The following NEMP2 variants were observed in gnomAD, a reference collection of about 807,000 sequenced individuals.
The protein encoded by NEMP2 is nuclear envelope integral membrane protein 2, also known as UPF0571 transmembrane protein.
NEMP2 carries 53 observed loss-of-function variants against 54.2 expected under a neutral mutation model. That is an observed-to-expected ratio of 0.98 (90% CI 0.78 to 1.23). The LOEUF (loss-of-function observed/expected upper bound fraction) is 1.23. Ranked by LOEUF, NEMP2 falls within the 50% of genes most tolerant of loss-of-function variation. NEMP2 has a pLI of 0.00. For synonymous variants in NEMP2, 197 were observed against 190.3 expected, an observed-to-expected ratio of 1.04 and a Z score of -0.29; for missense variants, 455 against 511.3, an observed-to-expected ratio of 0.89 and a Z score of 1.06.
chr2:190,469,778 C>T, the NEMP2 span: 1 of 1,597,196 alleles, frequency 6.3e-7, no homozygotes, highest in Non-Finnish European at 8.5e-7. The surrounding 1 kb of genome is among the most constrained non-coding windows in gnomAD (Gnocchi z 5.3). Flanking sequence ...ATTGGCCTGG[C>T]CTGCAATACG....
chr2:190,429,257 T>G, the NEMP2 span, among the ~76,000 whole-genome samples: 1 of 151,998 alleles, frequency 6.6e-6, no homozygotes, highest in African/African-American at 2.4e-5. Flanking sequence ...TGTATACATA[T>G]ATCACCAAAA....
intron 4 of NEMP2, 49 bp from the exon 5 acceptor site, chr2:190,517,662 G>T: frequency 1.5e-6 from 2 of 1,358,886 alleles, no homozygotes; most frequent in South Asian, 1.3e-5. Flanking sequence ...AAAGCACTTT[G>T]AGTATGAAAA....
chr2:190,590,654 G>A, the NEMP2 span, among the ~76,000 whole-genome samples: 1 of 152,180 alleles, frequency 6.6e-6, no homozygotes, highest in Non-Finnish European at 1.5e-5. The surrounding 1 kb of genome is among the most constrained non-coding windows in gnomAD (Gnocchi z 5.1). Flanking sequence ...GCAAAGAGGT[G>A]AGAGTTATAT....
At chr2:190,430,389 T>G in the NEMP2 span, among the ~76,000 whole-genome samples, 2 of 151,100 alleles carry the variant, frequency 1.3e-5, no homozygotes, top group East Asian at 3.9e-4. Context: ...TACTTGAGAT[T>G]AGGGAGTGGT....
chr2:190,515,653 C>A (rs1352861618), intron 6 of NEMP2, among the ~76,000 whole-genome samples: 1 of 152,104 alleles, frequency 6.6e-6, no homozygotes, highest in East Asian at 1.9e-4. Flanking sequence ...ATACAATTTT[C>A]AAGTAAAACA....
chr2:190,461,894 C>T, the NEMP2 span, among the ~76,000 whole-genome samples: 1 of 152,064 alleles, frequency 6.6e-6, no homozygotes, highest in Non-Finnish European at 1.5e-5. The surrounding 1 kb of genome is among the most constrained non-coding windows in gnomAD (Gnocchi z 5.5). Context: ...TCAGAACAAT[C>T]TGAGAGCAGA....
the NEMP2 span, among the ~76,000 whole-genome samples, chr2:190,488,059 C>T: frequency 2.6e-5 from 4 of 152,258 alleles, no homozygotes; most frequent in South Asian, 2.1e-4. The surrounding 1 kb of genome is among the most constrained non-coding windows in gnomAD (Gnocchi z 6.4). Flanking sequence ...TGCACCACCA[C>T]GCCAGGCTAA....
the NEMP2 span, among the ~76,000 whole-genome samples, chr2:190,597,524 TGAG>T: frequency 6.6e-6 from 1 of 152,096 alleles, no homozygotes; most frequent in Non-Finnish European, 1.5e-5. The surrounding 1 kb of genome is among the most constrained non-coding windows in gnomAD (Gnocchi z 4.7). Context: ...GCCTGGAGAA[TGAG>T]AAGACAAAAA....
At chr2:190,606,494 C>A in the NEMP2 span, among the ~76,000 whole-genome samples, 1 of 152,212 alleles carries the variant, frequency 6.6e-6, no homozygotes, top group African/African-American at 2.4e-5. Flanking sequence ...GGCAGATCAC[C>A]TGAGGTCAGG....
chr2:190,558,749 C>T, the NEMP2 span, among the ~76,000 whole-genome samples: 8 of 152,034 alleles, frequency 5.3e-5, no homozygotes, highest in South Asian at 6.3e-4. The surrounding 1 kb of genome is among the most constrained non-coding windows in gnomAD (Gnocchi z 4.4). Flanking sequence ...AAAGAGGAGC[C>T]GATGAAGTAT....
chr2:190,457,677 A>T, the NEMP2 span, among the ~76,000 whole-genome samples: 3 of 152,184 alleles, frequency 2.0e-5, no homozygotes, highest in Non-Finnish European at 4.4e-5. This position sits in a 1 kb window ranked among gnomAD's most constrained non-coding sequence, Gnocchi z 5.1. Context: ...TTTGCATTTA[A>T]TTTAATGGTA....
chr2:190,458,595 C>G, the NEMP2 span, among the ~76,000 whole-genome samples: 1 of 152,172 alleles, frequency 6.6e-6, no homozygotes, highest in Admixed American at 6.5e-5. The surrounding 1 kb of genome is among the most constrained non-coding windows in gnomAD (Gnocchi z 5.3). Context: ...TTTAGATTCC[C>G]TTCCCCCCGA....
the NEMP2 span, among the ~76,000 whole-genome samples, chr2:190,602,991 T>G: frequency 1.3e-5 from 2 of 152,314 alleles, no homozygotes; most frequent in East Asian, 3.9e-4. Context: ...AGACCATATG[T>G]AACTGATGGG....
the NEMP2 span, chr2:190,489,881 T>C: frequency 6.2e-7 from 1 of 1,608,594 alleles, no homozygotes; most frequent in South Asian, 1.1e-5. This position sits in a 1 kb window ranked among gnomAD's most constrained non-coding sequence, Gnocchi z 6.6. Context: ...TTATTTCCAT[T>C]CTTTCTTAAT....
Position 190,520,564 on chromosome 2 carries a change from C to T in NEMP2, c.214-1381G>A, listed in dbSNP as rs1690720312. Among the ~76,000 whole-genome samples the T allele has an allele frequency of 6.6e-6, 1 of 152,202 alleles. No homozygotes were observed. Among genetic ancestry groups the T allele is most frequent in the South Asian group, 2.1e-4 (1 of 4,830 alleles). On this transcript the variant is annotated intron_variant, in intron 2 of 8. Transcript: ENST00000409150. The surrounding 1 kb of genome is among the most constrained non-coding windows in gnomAD (Gnocchi z 5.4). The stretch of plus-strand genomic sequence containing the variant: ...ATTTCTCTTTGACTTTGGCTTCTGG[C>T]TCACTGTGGCTCTCTCTTCAATACC...
At chr2:190,633,725 G>A in the NEMP2 span, among the ~76,000 whole-genome samples, 1 of 152,180 alleles carries the variant, frequency 6.6e-6, no homozygotes, top group Non-Finnish European at 1.5e-5. Flanking sequence ...GCAATAGAGA[G>A]ATAACATATC....
chr2:190,486,889 T>A, the NEMP2 span, among the ~76,000 whole-genome samples: 1 of 152,214 alleles, frequency 6.6e-6, no homozygotes, highest in Admixed American at 6.5e-5. Context: ...AGTGTCTTAA[T>A]GAAGGTTTTA....
chr2:190,440,549 G>T, the NEMP2 span, among the ~76,000 whole-genome samples: 2 of 152,134 alleles, frequency 1.3e-5, no homozygotes, highest in Admixed American at 6.5e-5. Flanking sequence ...TAACATTTTA[G>T]CAGCTATGAG....
At chr2:190,499,858 T>C, downstream of NEMP2, 1 of 1,549,380 alleles carries the variant, frequency 6.5e-7, no homozygotes, top group South Asian at 1.2e-5. This position sits in a 1 kb window ranked among gnomAD's most constrained non-coding sequence, Gnocchi z 6.0. Flanking sequence ...AGATGAAAGG[T>C]AAGACATTCT....
Sources: allele counts gnomAD v4.1 joint callset (sites outside exome capture counted in the v4.1 genomes callset), GRCh38; gene constraint gnomAD v4.1.1; non-coding constraint Gnocchi (gnomAD v3.1); transcripts MANE v1.5; gene names NCBI Gene and HGNC (gene_info 2026-07-23, HGNC 2026-07-21).